The following ERCC3 variants were observed in gnomAD, a reference collection of about 807,000 sequenced individuals.
ERCC3 encodes ERCC excision repair 3, TFIIH core complex helicase subunit, also known as general transcription and DNA repair factor IIH helicase/translocase subunit XPB.
ERCC3 carries 66 observed loss-of-function variants against 94.2 expected under a neutral mutation model. The ratio of observed to expected loss-of-function variants is 0.70; its 90% CI spans 0.57 to 0.86. The LOEUF (loss-of-function observed/expected upper bound fraction) is 0.86, where lower values mean the gene tolerates loss of function less well. Among genes scored for constraint, ERCC3 ranks in the 40% least tolerant of loss-of-function variants. The pLI is 0.00. For synonymous variants in ERCC3, 349 were observed against 369.1 expected (o/e 0.95, Z 0.63); for missense variants, 829 against 987.1 (o/e 0.84, Z 2.15).
chr2:127,271,280 C>T lies in ERCC3; in HGVS notation c.1945+56G>A. 8.2e-7 allele frequency: 1 copy of T among 1,220,180 alleles called. No homozygotes were observed. The highest frequency in any genetic ancestry group is 1.2e-5 in the South Asian group (1 of 83,102). 75.6% of individuals were successfully genotyped at this position (1,220,180 alleles called of 1,614,324 possible). The stretch of plus-strand genomic sequence containing the variant: ...GCTCTCACCCCTATCGTCTTCCTAA[C>T]TAAAGTGGTTTAAGAGGAGTGACCT... On this transcript the variant is annotated intron_variant, in intron 12 of 14. Transcript: ENST00000285398. The surrounding 1 kb of genome is among the most constrained non-coding windows in gnomAD (Gnocchi z 5.0).
chr2:127,270,578 A>T (rs1445219489), intron 12 of ERCC3, among the ~76,000 whole-genome samples: 2 of 152,198 alleles, frequency 1.3e-5, no homozygotes, highest in Non-Finnish European at 2.9e-5. Context: ...ACAGATGCCC[A>T]CTAATCTTGT....
At chr2:127,283,171 A>AT (rs1298422872) in intron 8 of ERCC3, among the ~76,000 whole-genome samples, 1 of 151,826 alleles carries the variant, frequency 6.6e-6, no homozygotes, top group African/African-American at 2.4e-5. Context: ...GCATTTTAAC[A>AT]TATTTACATT....
chr2:127,267,989 T>C (rs550071518), intron 12 of ERCC3, among the ~76,000 whole-genome samples: 1 of 152,298 alleles, frequency 6.6e-6, no homozygotes, highest in African/African-American at 2.4e-5. Context: ...GTCTTGCTGT[T>C]GTTGCCCAGG....
chr2:127,289,203 AAAG>A (rs1404639682), intron 6 of ERCC3, 131 bp downstream of exon 6: 5 of 800,880 alleles, frequency 6.2e-6, no homozygotes, highest in Admixed American at 2.0e-5. Flanking sequence ...CAGATAATAA[AAAG>A]GAGAAAGCAA....
In ERCC3 at chr2:127,291,535, A is replaced by C. The variant is rs144220479; in HGVS notation, c.471+1075T>G. On this transcript the variant is annotated intron_variant, in intron 3 of 14. Transcript: ENST00000285398. This position sits in a 1 kb window ranked among gnomAD's most constrained non-coding sequence, Gnocchi z 4.9. ...CTCAGCCACCCAAAGTGCTGGGATT[A>C]CAGGAGTGAGCCACTGCACCTGGCC... Among the ~76,000 whole-genome samples, 471 of 152,158 alleles carry C rather than the reference A, an allele frequency of 3.1e-3. 19 individuals carry two copies. In the East Asian group the frequency reaches 0.082, roughly 27 times the overall value.
chr2:127,281,323 C>T (rs1015446072), intron 8 of ERCC3, among the ~76,000 whole-genome samples: 70 of 152,326 alleles, frequency 4.6e-4, no homozygotes, highest in African/African-American at 1.6e-3. Context: ...CCAAGCCCTC[C>T]GGCCCGCCTT....
At chr2:127,287,125 G>A (rs1558961102) in intron 7 of ERCC3, 108 bp from the exon 8 acceptor site, 2 of 835,274 alleles carry the variant, frequency 2.4e-6, no homozygotes, top group East Asian at 5.2e-5. Context: ...TCTTGTAACA[G>A]TCCACATAGC....
In ERCC3 at chr2:127,279,464, G is replaced by T; in HGVS notation, c.1528-89C>A. On this transcript the variant is annotated intron_variant, in intron 9 of 14. Coordinates refer to ENST00000285398, the MANE Select transcript of ERCC3 (RefSeq NM_000122.2). This position sits in a 1 kb window ranked among gnomAD's most constrained non-coding sequence, Gnocchi z 4.7. ...TGAAGACCTTTCTCTAGCAGAATTA[G>T]CTTTAAAACAAAACCAGTCAGGTGC... 1 of 1,059,132 alleles carries T rather than the reference G, an allele frequency of 9.4e-7. No individual in the cohort carries two copies. The highest frequency in any genetic ancestry group is 1.5e-6 in the Non-Finnish European group (1 of 682,654). The allele number at this position is 1,059,132 out of a possible 1,614,324, so 65.6% of individuals were successfully genotyped here.
intron 12 of ERCC3, among the ~76,000 whole-genome samples, chr2:127,265,352 T>C (rs1684321405): frequency 6.6e-6 from 1 of 152,230 alleles, no homozygotes; most frequent in African/African-American, 2.4e-5. Context: ...ATGTCACCTT[T>C]GTCATTTCTG....
rs188366772 is a variant in ERCC3 at position 127,271,938 on chromosome 2, G to T, written c.1828-485C>A. 2.3e-3 allele frequency among the ~76,000 whole-genome samples: 351 copies of T among 151,296 alleles called. 1 individual carries two copies. The highest frequency in any genetic ancestry group is 7.7e-3 in the African/African-American group (318 of 41,156). Reference sequence around the variant, plus strand: ...CAGCTCTGGGGCTCCAAACATCGAGGTTCCCAGCCACAGACATGAAGGTTT... The same window carrying T: ...CAGCTCTGGGGCTCCAAACATCGAGTTTCCCAGCCACAGACATGAAGGTTT... On this transcript the variant is annotated intron_variant, in intron 11 of 14. Coordinates refer to ENST00000285398, the MANE Select transcript of ERCC3 (RefSeq NM_000122.2). The surrounding 1 kb of genome is among the most constrained non-coding windows in gnomAD (Gnocchi z 5.0).
At chr2:127,292,898 C>T (rs779766576) in intron 2 of ERCC3, 52 bp from the exon 3 acceptor site, 1 of 1,137,158 alleles carries the variant, frequency 8.8e-7, no homozygotes, top group Non-Finnish European at 1.3e-6. Context: ...GTTGCAGAGA[C>T]TACTGGGCTC....
At position 127,286,918 on chromosome 2, in the gene ERCC3, G is replaced by A. The variant is rs747613438; in HGVS notation, c.1127C>T (p.Ala376Val). Residue 376 changes from alanine to valine, a missense_variant, in exon 8 of 15, where the codon GCC becomes GTC. Physicochemically the swap from Ala to Val is moderately conservative, Grantham distance 64. Coordinates refer to ENST00000285398, the MANE Select transcript of ERCC3 (RefSeq NM_000122.2). ...AATGGTGGACCACATCTTGAACTGG[G>A]CTTTCCACTGCTCCACAGAAACAGC... ...NSAVSVEQWK[A>V]QFKMWSTIDD... 3.1e-6 allele frequency: 5 copies of A among 1,614,038 alleles called. No homozygotes were observed. The highest frequency in any genetic ancestry group is 1.3e-5 in the African/African-American group (1 of 74,922).
intron 10 of ERCC3, 25 bp from the exon 11 acceptor site, chr2:127,272,986 G>T: frequency 7.1e-7 from 1 of 1,406,526 alleles, no homozygotes; most frequent in Non-Finnish European, 1.0e-6. Flanking sequence ...AGCTGTGTTA[G>T]ACCACAGAAT....
chr2:127,280,340 T>C lies in ERCC3; in HGVS notation c.1527+107A>G. On this transcript the variant is annotated intron_variant, in intron 9 of 14. Coordinates refer to ENST00000285398, the MANE Select transcript of ERCC3 (RefSeq NM_000122.2). The surrounding 1 kb of genome is among the most constrained non-coding windows in gnomAD (Gnocchi z 6.3). ...GGATCCTGTATGAAGTGGTAGCAGG[T>C]GAGCCTAAGTCCTGACCTGTGTCTG... 2.9e-6 allele frequency: 3 copies of C among 1,022,954 alleles called. No homozygotes were observed. Among genetic ancestry groups the C allele is most frequent in the Non-Finnish European group, 4.5e-6 (3 of 666,566 alleles). The allele number at this position is 1,022,954 out of a possible 1,614,324, so 63.4% of individuals were successfully genotyped here. A position where few individuals can be genotyped will look rare whatever the true frequency, so the allele number is the denominator to read the frequency against.
intron 12 of ERCC3, among the ~76,000 whole-genome samples, chr2:127,267,704 T>C (rs1044259468): frequency 2.4e-4 from 36 of 152,306 alleles, no homozygotes; most frequent in African/African-American, 8.2e-4. Context: ...GTCTGTGGGC[T>C]ATGTGCTTAT....
intron 13 of ERCC3, chr2:127,260,849 A>G: frequency 4.5e-6 from 1 of 221,010 alleles, no homozygotes; most frequent in Non-Finnish European, 9.1e-6. Flanking sequence ...TTATTAAAAT[A>G]CCTGATTTGT....
Position 127,264,961 on chromosome 2 carries a change from C to T in ERCC3, c.1946-3615G>A, listed in dbSNP as rs552985975. On this transcript the variant is annotated intron_variant, in intron 12 of 14. Coordinates refer to ENST00000285398, the MANE Select transcript of ERCC3 (RefSeq NM_000122.2). The surrounding 1 kb of genome is among the most constrained non-coding windows in gnomAD (Gnocchi z 4.4). ...CTCCAGGGTTTAAGCAATTCTCCTG[C>T]CTCAGCCTTCCACGTGGATGGAATT... Among the ~76,000 whole-genome samples the T allele has an allele frequency of 2.0e-5, 3 of 151,976 alleles. No homozygotes were observed. Among genetic ancestry groups the T allele is most frequent in the Admixed American group, 2.0e-4 (3 of 15,260 alleles).
chr2:127,272,967 G>C lies in ERCC3; in HGVS notation c.1731-6C>G. ...TAGGTCCGTAGATATAGGGTCTAGA[G>C]AAGAATGAAGCTGTGTTAGACCACA... On this transcript the variant is annotated splice_region_variant and splice_polypyrimidine_tract_variant and intron_variant, in intron 10 of 14. Transcript: ENST00000285398. The C allele has an allele frequency of 6.4e-7, 1 of 1,560,200 alleles. No homozygotes were observed. Among genetic ancestry groups the C allele is most frequent in the Non-Finnish European group, 8.8e-7 (1 of 1,130,964 alleles).
chr2:127,292,559 A>G, intron 3 of ERCC3, 51 bp downstream of exon 3: 8 of 1,179,868 alleles, frequency 6.8e-6, no homozygotes, highest in Non-Finnish European at 8.9e-6. Context: ...ACCTATGCCT[A>G]TTGTTACATT....
Sources: gnomAD v4.1 joint callset for allele counts (sites outside exome capture counted in the v4.1 genomes callset) on GRCh38, gnomAD v4.1.1 for gene constraint, Gnocchi (gnomAD v3.1) non-coding constraint, MANE v1.5 for transcripts, NCBI Gene and HGNC (gene_info 2026-07-23, HGNC 2026-07-21) for gene names.